VSTM5: variants seen among roughly 807,000 people sequenced by gnomAD.
VSTM5 encodes the protein V-set and transmembrane domain containing 5.
Under a neutral mutation model 20.3 loss-of-function variants are expected in VSTM5, and 21 were observed. The ratio of observed to expected loss-of-function variants is 1.03; its 90% CI spans 0.73 to 1.49. The LOEUF is 1.49. Among genes scored for constraint, VSTM5 ranks in the 40% most tolerant of loss-of-function variants. The pLI is 0.00. For missense variants in VSTM5, 219 were observed against 250.0 expected (o/e 0.88, Z 0.84); for synonymous variants, 100 against 102.5 (o/e 0.98, Z 0.14).
At chr11:93,850,363 C>A (rs113556447) in intron 1 of VSTM5, 49 bp downstream of exon 1, 2 of 1,514,452 alleles carry the variant, frequency 1.3e-6, no homozygotes, top group Non-Finnish European at 1.8e-6. Flanking sequence ...CCCGTGCCCC[C>A]CTACCCATTC....
At chr11:93,841,305 C>T (rs552817261) in intron 1 of VSTM5, among the ~76,000 whole-genome samples, 10 of 152,378 alleles carry the variant, frequency 6.6e-5, no homozygotes, top group Non-Finnish European at 1.3e-4. Context: ...AGGCTGCCCC[C>T]ACCCTGCAGA....
In VSTM5 at chr11:93,850,482, C is replaced by G; in HGVS notation, c.21G>C (p.Gly7=). 1.3e-6 allele frequency: 2 copies of G among 1,549,886 alleles called. No individual in the cohort carries two copies. Among genetic ancestry groups the G allele is most frequent in the Non-Finnish European group, 1.7e-6 (2 of 1,146,532 alleles). The part of the protein sequence containing the change: MRPLPS[G]RRKTRGISLG... The stretch of plus-strand genomic sequence containing the variant: ...GGGAGATGCCTCGGGTCTTCCTCCT[C>G]CCGCTGGGCAGAGGCCTCATGGGCG... The change falls in exon 1 of 4, where the codon GGG becomes GGC. Residue 7 remains glycine (G), a synonymous_variant. Coordinates refer to ENST00000409977, the MANE Select transcript of VSTM5 (RefSeq NM_001144871.2).
chr11:93,850,186 C>G (rs112658344), intron 1 of VSTM5, among the ~76,000 whole-genome samples: 252 of 152,010 alleles, frequency 1.7e-3, no homozygotes, highest in Non-Finnish European at 1.3e-3. Context: ...CGGCCGGTAG[C>G]CTCTGCTTTG....
intron 1 of VSTM5, among the ~76,000 whole-genome samples, chr11:93,833,430 T>C (rs1944298170): frequency 6.6e-6 from 1 of 151,852 alleles, no homozygotes; most frequent in Non-Finnish European, 1.5e-5. Context: ...AATACAAAAA[T>C]TAGCTGGGCA....
Position 93,819,638 on chromosome 11 carries a change from C to G in VSTM5, c.*931G>C, listed in dbSNP as rs1344819455. 6.6e-6 allele frequency: 1 copy of G among 152,280 alleles called. No homozygotes were observed. The highest frequency in any genetic ancestry group is 1.5e-5 in the Non-Finnish European group (1 of 68,124). 9.4% of individuals were successfully genotyped at this position (152,280 alleles called of 1,614,324 possible). ...CAGCCCAGGTAGGAGAGGGCAAGGG[C>G]CTGACTTGAGACGTGAAGTGTTAGT... On this transcript the variant is annotated 3_prime_UTR_variant, in exon 4 of 4. Transcript: ENST00000409977.
chr11:93,842,203 C>G lies in VSTM5; in HGVS notation c.91+8209G>C, dbSNP rs866328087. 6.6e-5 allele frequency among the ~76,000 whole-genome samples: 10 copies of G among 152,264 alleles called. No homozygotes were observed. In the South Asian group the frequency reaches 1.7e-3, roughly 25 times the overall value. Reference sequence around the variant, plus strand: ...CTTTTTTGGTAAGGTAATGATCTCCCCATCCTTGGGGGTATGTAAGCAGAA... The same window carrying G: ...CTTTTTTGGTAAGGTAATGATCTCCGCATCCTTGGGGGTATGTAAGCAGAA... On this transcript the variant is annotated intron_variant, in intron 1 of 3. Coordinates refer to ENST00000409977, the MANE Select transcript of VSTM5 (RefSeq NM_001144871.2).
In VSTM5 at chr11:93,850,550, C is replaced by T; in HGVS notation, c.-48G>A. The stretch of plus-strand genomic sequence containing the variant: ...GCCGGGGTGTGTGCTGGCCGCACCG[C>T]GCTGCAGCTCCTATGCAGCCTTCTC... On this transcript the variant is annotated 5_prime_UTR_variant, in exon 1 of 4. Coordinates refer to ENST00000409977, the MANE Select transcript of VSTM5 (RefSeq NM_001144871.2). The T allele has an allele frequency of 2.1e-6, 3 of 1,425,538 alleles. No individual in the cohort carries two copies. The highest frequency in any genetic ancestry group is 2.9e-6 in the Non-Finnish European group (3 of 1,048,096). 88.3% of individuals were successfully genotyped at this position (1,425,538 alleles called of 1,614,324 possible).
At chr11:93,841,048 C>A (rs1175461919) in intron 1 of VSTM5, among the ~76,000 whole-genome samples, 1 of 152,176 alleles carries the variant, frequency 6.6e-6, no homozygotes, top group Non-Finnish European at 1.5e-5. Flanking sequence ...AAGGAAAAAC[C>A]CCACCTTCGC....
rs1208567813 is a variant in VSTM5 at position 93,819,119 on chromosome 11, A to G, written c.*1450T>C. The G allele has an allele frequency of 1.3e-5, 2 of 152,354 alleles. No homozygotes were observed. The highest frequency in any genetic ancestry group is 2.9e-5 in the Non-Finnish European group (2 of 68,052). The allele number at this position is 152,354 out of a possible 1,614,324, so 9.4% of individuals were successfully genotyped here. A position where few individuals can be genotyped will look rare whatever the true frequency, so the allele number is the denominator to read the frequency against. The stretch of plus-strand genomic sequence containing the variant: ...CTTATCCAAGCAACTCCTCTGCCAC[A>G]TAGGAAATAGAGAAGATATGGACAT... On this transcript the variant is annotated 3_prime_UTR_variant, in exon 4 of 4. Coordinates refer to ENST00000409977, the MANE Select transcript of VSTM5 (RefSeq NM_001144871.2).
Position 93,821,069 on chromosome 11 carries a change from C to T in VSTM5, c.346G>A (p.Gly116Ser), listed in dbSNP as rs1032474976. The change falls in exon 2 of 4, where the codon GGC (glycine) becomes AGC (serine). Residue 116 changes from glycine (G) to serine (S), a missense_variant. Physicochemically the swap from Gly to Ser is moderately conservative, Grantham distance 56 (BLOSUM62 0). Transcript: ENST00000409977. Reference protein sequence around the residue: ...QLFSVGVRDSGYYVITVTERL... With the variant: ...QLFSVGVRDSSYYVITVTERL... ...TCCGTCACGGTGATGACATAGTAGCCGGAATCCCTCACTCCCACGCTGAAG... is the reference window on the plus strand; with the variant it reads ...TCCGTCACGGTGATGACATAGTAGCTGGAATCCCTCACTCCCACGCTGAAG... 19 of 1,551,720 alleles carry T rather than the reference C, an allele frequency of 1.2e-5. No homozygotes were observed. Among genetic ancestry groups the T allele is most frequent in the Admixed American group, 2.0e-5 (1 of 51,000 alleles).
chr11:93,841,491 A>G (rs11020531), intron 1 of VSTM5, among the ~76,000 whole-genome samples: 29,344 of 151,980 alleles, frequency 0.19, 3,131 homozygotes, highest in Admixed American at 0.33. Flanking sequence ...CCTCTTCAAA[A>G]CTCTAACACA....
chr11:93,822,523 G>A (rs192192142), intron 1 of VSTM5, among the ~76,000 whole-genome samples: 18 of 152,172 alleles, frequency 1.2e-4, no homozygotes, highest in Middle Eastern at 3.4e-3. Context: ...TTGCTCTGTC[G>A]CCCAGGCTGG....
chr11:93,824,609 T>C (rs1156941207), intron 1 of VSTM5, among the ~76,000 whole-genome samples: 1 of 152,250 alleles, frequency 6.6e-6, no homozygotes, highest in Non-Finnish European at 1.5e-5. Flanking sequence ...TTTCCTGAAT[T>C]CTATAGATTG....
chr11:93,837,939 G>C (rs1406548922), intron 1 of VSTM5, among the ~76,000 whole-genome samples: 1 of 151,966 alleles, frequency 6.6e-6, no homozygotes, highest in Non-Finnish European at 1.5e-5. Flanking sequence ...AGAGCAACGG[G>C]GGCCAAGAGA....
chr11:93,824,526 T>C (rs1944217508), intron 1 of VSTM5, among the ~76,000 whole-genome samples: 1 of 152,210 alleles, frequency 6.6e-6, no homozygotes, highest in Non-Finnish European at 1.5e-5. Flanking sequence ...TGTTGTTGTT[T>C]GTTTTTTGCT....
rs189568417 is a variant in VSTM5 at position 93,823,677 on chromosome 11, A to C, written c.92-2354T>G. On this transcript the variant is annotated intron_variant, in intron 1 of 3. Transcript: ENST00000409977. ...TTATTTCATTTAGCAGCTTAGCATA[A>C]TGTCTTTCAGGTTAATCCATGTTGT... Among the ~76,000 whole-genome samples, 294 of 152,248 alleles carry C rather than the reference A, an allele frequency of 1.9e-3. 1 individual carries two copies. Among genetic ancestry groups the C allele is most frequent in the African/African-American group, 6.7e-3 (277 of 41,546 alleles).
intron 1 of VSTM5, among the ~76,000 whole-genome samples, chr11:93,823,095 A>C (rs1206943336): frequency 6.6e-6 from 1 of 152,198 alleles, no homozygotes; most frequent in Non-Finnish European, 1.5e-5. Flanking sequence ...AAAATAAATA[A>C]AAATAACAAC....
chr11:93,831,403 C>T (rs1023258432), intron 1 of VSTM5, among the ~76,000 whole-genome samples: 7 of 152,308 alleles, frequency 4.6e-5, no homozygotes, highest in Admixed American at 3.9e-4. Context: ...GGAAACACAG[C>T]TTTGTGTATG....
chr11:93,826,595 T>A (rs1037403587), intron 1 of VSTM5, among the ~76,000 whole-genome samples: 1 of 151,944 alleles, frequency 6.6e-6, no homozygotes, highest in African/African-American at 2.4e-5. Context: ...GAGACGGGGT[T>A]TCACCGTGTT....
Sources: allele counts gnomAD v4.1 joint callset (sites outside exome capture counted in the v4.1 genomes callset), GRCh38; gene constraint gnomAD v4.1.1; transcripts MANE v1.5; gene names NCBI Gene and HGNC (gene_info 2026-07-23, HGNC 2026-07-21).